Variants in RGS12 observed in about 807,000 individuals in gnomAD.
RGS12 encodes regulator of G-protein signaling 12.
Under a neutral mutation model 120.1 loss-of-function variants are expected in RGS12, and 66 were observed. That is an observed-to-expected ratio of 0.55 (90% confidence interval 0.45 to 0.67). The LOEUF (loss-of-function observed/expected upper bound fraction) is 0.67. Ranked by LOEUF, RGS12 falls within the 30% of genes least tolerant of loss-of-function variation. RGS12 has a pLI of 0.00. For synonymous variants in RGS12, 827 were observed against 804.7 expected, an observed-to-expected ratio of 1.03 and a Z score of -0.47; for missense variants, 1,859 against 1,957.7, an observed-to-expected ratio of 0.95 and a Z score of 0.95.
At chr4:3,424,231 G>T (rs888953208) in intron 13 of RGS12, among the ~76,000 whole-genome samples, 6 of 152,378 alleles carry the variant, frequency 3.9e-5, no homozygotes, top group Admixed American at 1.3e-4. Context: ...GAGCGTGGGG[G>T]TTCCGGGCAC....
At chr4:3,348,682 G>A (rs1320185304) in intron 3 of RGS12, among the ~76,000 whole-genome samples, 3 of 152,166 alleles carry the variant, frequency 2.0e-5, no homozygotes, top group Non-Finnish European at 4.4e-5. Flanking sequence ...GAGTTATACA[G>A]GCGGAAAACA....
intron 1 of RGS12, among the ~76,000 whole-genome samples, chr4:3,310,131 T>C (rs1724286750): frequency 7.4e-6 from 1 of 134,830 alleles, no homozygotes; most frequent in East Asian, 2.2e-4. Context: ...GGAGAGGAGC[T>C]GGGGCCTGGG....
intron 1 of RGS12, among the ~76,000 whole-genome samples, chr4:3,308,127 T>C (rs1219142997): frequency 6.6e-6 from 1 of 152,226 alleles, no homozygotes; most frequent in Non-Finnish European, 1.5e-5. Flanking sequence ...ACAGTGCCCG[T>C]CCATCTGGTG....
At chr4:3,311,275 A>G (rs776487945) in intron 1 of RGS12, among the ~76,000 whole-genome samples, 1 of 152,072 alleles carries the variant, frequency 6.6e-6, no homozygotes, top group Non-Finnish European at 1.5e-5. Context: ...GGCCTGCTGC[A>G]TCGTAGCTCA....
At chr4:3,420,230 G>C (rs905809149) in intron 9 of RGS12, among the ~76,000 whole-genome samples, 2 of 152,196 alleles carry the variant, frequency 1.3e-5, no homozygotes, top group Non-Finnish European at 1.5e-5. Context: ...TTCCAGTTAG[G>C]CCCAGAAACT....
chr4:3,337,699 A>G (rs1712628676), intron 2 of RGS12, among the ~76,000 whole-genome samples: 1 of 152,044 alleles, frequency 6.6e-6, no homozygotes, highest in Non-Finnish European at 1.5e-5. Context: ...GGGGAGGGGA[A>G]TGGAGAGTGC....
At chr4:3,386,198 A>G (rs1718833200) in intron 3 of RGS12, 1 of 596,740 alleles carries the variant, frequency 1.7e-6, no homozygotes, top group Non-Finnish European at 3.0e-6. Context: ...CATGAAAAGG[A>G]TGACTTCCTC....
At chr4:3,414,388 C>A in intron 5 of RGS12, 147 bp downstream of exon 5, 1 of 893,922 alleles carries the variant, frequency 1.1e-6, no homozygotes, top group Non-Finnish European at 1.6e-6. Context: ...TGGACCGCCA[C>A]CCTCTCAAGA....
chr4:3,428,351 G>C (rs774029763), intron 15 of RGS12, 182 bp downstream of exon 15: 6 of 787,450 alleles, frequency 7.6e-6, no homozygotes, highest in Non-Finnish European at 1.3e-5. Flanking sequence ...TGAAGGACTG[G>C]CTTTCTTTTC....
intron 10 of RGS12, among the ~76,000 whole-genome samples, chr4:3,421,799 A>T (rs1723047533): frequency 6.6e-6 from 1 of 152,148 alleles, no homozygotes; most frequent in African/African-American, 2.4e-5. Flanking sequence ...TCATGGGAGG[A>T]GCCACAGAGC....
At chr4:3,413,670 C>T in intron 4 of RGS12, 1 of 172,868 alleles carries the variant, frequency 5.8e-6, no homozygotes, top group Middle Eastern at 2.4e-3. Context: ...CCATGATGGT[C>T]TTAGTGCTCT....
intron 3 of RGS12, among the ~76,000 whole-genome samples, chr4:3,362,994 T>C (rs1396515840): frequency 6.6e-6 from 1 of 150,548 alleles, no homozygotes; most frequent in East Asian, 2.0e-4. Context: ...TGTATATGTG[T>C]GAGAGTGTGC....
rs1297065655 is a variant in RGS12, at chr4:3,374,831, C to T, written c.1999-11585C>T. ...CCAGAGTGAGCAGCGCCATCCTAGC[C>T]GCCCCTGCTCTTTGCCCCATGGCTT... On this transcript the variant is annotated intron_variant, in intron 3 of 17. Transcript: ENST00000336727. This position sits in a 1 kb window ranked among gnomAD's most constrained non-coding sequence, Gnocchi z 6.3. Among the ~76,000 whole-genome samples the T allele has an allele frequency of 2.6e-5, 4 of 152,154 alleles. No individual in the cohort carries two copies. The highest frequency in any genetic ancestry group is 2.1e-4 in the South Asian group (1 of 4,834).
At chr4:3,416,835 G>A (rs1722453768) in intron 7 of RGS12, 78 bp from the exon 8 acceptor site, 1 of 1,371,626 alleles carries the variant, frequency 7.3e-7, no homozygotes, top group Admixed American at 2.0e-5. Flanking sequence ...TTGCCTACAG[G>A]TCGCCAAGCA....
chr4:3,316,799 G>A lies in RGS12; in HGVS notation c.629G>A (p.Ser210Asn), dbSNP rs761140216. The A allele has an allele frequency of 1.9e-6, 3 of 1,614,208 alleles. No individual in the cohort carries two copies. Among genetic ancestry groups the A allele is most frequent in the South Asian group, 1.1e-5 (1 of 91,082 alleles). Residue 210 changes from serine (S) to asparagine (N), a missense_variant, in exon 2 of 18, where the codon AGC (serine) becomes AAC (asparagine). Ser to Asn is a conservative substitution (Grantham distance 46). This residue lies in a region of RGS12 where 967 missense variants were observed against 994.2 expected (regional missense o/e 0.97). Coordinates refer to ENST00000336727, the MANE Select transcript of RGS12 (RefSeq NM_001394154.1). ...GTTATTCATGATGATTCGGTTTTCA[G>A]CATTGGACTAGAAAGTCATGACGAT... The part of the protein sequence containing the change: ...SKVIHDDSVF[S>N]IGLESHDDFA...
chr4:3,330,013 G>C (rs958497387), intron 2 of RGS12, among the ~76,000 whole-genome samples: 1 of 152,224 alleles, frequency 6.6e-6, no homozygotes. Flanking sequence ...TATAGAAGCA[G>C]AGAGAAGCTG....
At position 3,347,100 on chromosome 4, in the gene RGS12, T is replaced by G. The variant is rs183272764; in HGVS notation, c.1998+4047T>G. Among the ~76,000 whole-genome samples the G allele has an allele frequency of 2.0e-3, 309 of 152,318 alleles. 1 individual carries two copies. The highest frequency in any genetic ancestry group is 0.01 in the Middle Eastern group (3 of 294). ...AAAGCAAATGTTTTTACTTTTGTTTTCACAGAAGTATACTTTACCAGATTG... is the reference window on the plus strand; with the variant it reads ...AAAGCAAATGTTTTTACTTTTGTTTGCACAGAAGTATACTTTACCAGATTG... On this transcript the variant is annotated intron_variant, in intron 3 of 17. Coordinates refer to ENST00000336727, the MANE Select transcript of RGS12 (RefSeq NM_001394154.1).
At chr4:3,394,718 T>G (rs1719872779) in intron 4 of RGS12, among the ~76,000 whole-genome samples, 1 of 152,190 alleles carries the variant, frequency 6.6e-6, no homozygotes, top group Non-Finnish European at 1.5e-5. Context: ...ATAAGCAATT[T>G]GAGAGATTTT....
Position 3,438,669 on chromosome 4 carries a change from G to A in RGS12, c.4115-786G>A, listed in dbSNP as rs539003317. 5.8e-3 allele frequency among the ~76,000 whole-genome samples: 883 copies of A among 152,278 alleles called. 5 individuals carry two copies. The highest frequency in any genetic ancestry group is 8.7e-3 in the Non-Finnish European group (595 of 68,002). On this transcript the variant is annotated intron_variant, in intron 17 of 17. Coordinates refer to ENST00000336727, the MANE Select transcript of RGS12 (RefSeq NM_001394154.1). ...TCACCAGATGTGGCAGGGCAGTGAC[G>A]CCCTGGGTAGGGAGGCCTCCCGGGG...
Sources: gnomAD v4.1 joint callset for allele counts (sites outside exome capture counted in the v4.1 genomes callset) on GRCh38, gnomAD v4.1.1 for gene constraint, gnomAD v4.1.1 regional missense constraint, Gnocchi (gnomAD v3.1) non-coding constraint, MANE v1.5 for transcripts, NCBI Gene and HGNC (gene_info 2026-07-23, HGNC 2026-07-21) for gene names.